ESYT2: variants seen among roughly 807,000 people sequenced by gnomAD.
ESYT2 encodes the protein extended synaptotagmin 2.
ESYT2 carries 54 observed loss-of-function variants against 107.2 expected under a neutral mutation model. That is an observed-to-expected ratio of 0.50 (90% CI 0.40 to 0.63). The LOEUF (loss-of-function observed/expected upper bound fraction) is 0.63. ESYT2 is among the 30% of genes least tolerant of loss of function. The pLI is 0.00. For synonymous variants in ESYT2, 491 were observed against 434.1 expected, an observed-to-expected ratio of 1.13 and a Z score of -1.63; for missense variants, 1,020 against 1,094.5, an observed-to-expected ratio of 0.93 and a Z score of 0.96.
intron 3 of ESYT2, 30 bp downstream of exon 3, chr7:158,797,912 G>C (rs1455278139): frequency 6.2e-7 from 1 of 1,604,566 alleles, no homozygotes; most frequent in Non-Finnish European, 8.5e-7. Context: ...CTGACTGTGT[G>C]CACGTGAGGA....
At chr7:158,735,256 G>A (rs1268101828) in intron 21 of ESYT2, among the ~76,000 whole-genome samples, 1 of 152,238 alleles carries the variant, frequency 6.6e-6, no homozygotes, top group African/African-American at 2.4e-5. Context: ...CAGTTGAGGA[G>A]ATGGAATTGT....
intron 6 of ESYT2, among the ~76,000 whole-genome samples, chr7:158,779,975 T>C (rs76156306): frequency 0.018 from 2,752 of 152,310 alleles, 43 homozygotes; most frequent in Non-Finnish European, 0.029. Flanking sequence ...CTAAGGGCAA[T>C]AGGGGCCCCA....
At chr7:158,825,405 G>C (rs1215865930) in intron 1 of ESYT2, among the ~76,000 whole-genome samples, 3 of 152,182 alleles carry the variant, frequency 2.0e-5, no homozygotes. Context: ...ACAACAAAAA[G>C]CCCTGTCCTC....
Position 158,782,087 on chromosome 7 carries a change from ATG to A in ESYT2, c.747+5915_747+5916del, listed in dbSNP as rs754628505. 3.0e-4 allele frequency among the ~76,000 whole-genome samples: 45 copies of A among 150,878 alleles called. 1 individual carries two copies. Among genetic ancestry groups the A allele is most frequent in the African/African-American group, 5.6e-4 (23 of 41,054 alleles). On this transcript the variant is annotated intron_variant, in intron 6 of 22. Transcript: ENST00000275418. The stretch of plus-strand genomic sequence containing the variant: ...TGAAGTGTGGTGTATGTAAGAACAA[ATG>A]TGAGTGAACGACAACAAAGTGTGAG...
chr7:158,756,939 A>G (rs892386928), intron 13 of ESYT2, among the ~76,000 whole-genome samples: 1 of 148,684 alleles, frequency 6.7e-6, no homozygotes, highest in African/African-American at 2.5e-5. Context: ...AAAAAAAAAA[A>G]GGAGGGGATA....
chr7:158,769,116 A>C (rs1314805131), intron 7 of ESYT2, among the ~76,000 whole-genome samples: 1 of 152,228 alleles, frequency 6.6e-6, no homozygotes, highest in African/African-American at 2.4e-5. Context: ...AGCGTTCAAC[A>C]AATAATGCCC....
intron 13 of ESYT2, among the ~76,000 whole-genome samples, chr7:158,756,833 T>C (rs955517733): frequency 1.4e-5 from 2 of 145,286 alleles, no homozygotes; most frequent in African/African-American, 2.6e-5. Flanking sequence ...CACTTGAACA[T>C]GGGAGGTGGA....
At chr7:158,815,418 A>G (rs962083017) in intron 1 of ESYT2, among the ~76,000 whole-genome samples, 4 of 151,648 alleles carry the variant, frequency 2.6e-5, no homozygotes, top group Non-Finnish European at 5.9e-5. Context: ...TTCCTGGCTC[A>G]CTCATCTATC....
At chr7:158,768,842 AAC>A (rs1320360289) in intron 7 of ESYT2, among the ~76,000 whole-genome samples, 10 of 152,372 alleles carry the variant, frequency 6.6e-5, no homozygotes, top group Admixed American at 6.5e-4. Flanking sequence ...TAGCCTGGGC[AAC>A]ACAGAGCGAG....
chr7:158,747,522 A>G (rs1837445955), intron 16 of ESYT2, among the ~76,000 whole-genome samples: 1 of 152,192 alleles, frequency 6.6e-6, no homozygotes, highest in Non-Finnish European at 1.5e-5. Context: ...AATGACGCTG[A>G]AACCACCCGG....
At chr7:158,749,188 C>A (rs1483603742) in intron 15 of ESYT2, among the ~76,000 whole-genome samples, 1 of 152,102 alleles carries the variant, frequency 6.6e-6, no homozygotes, top group Non-Finnish European at 1.5e-5. Context: ...CTCACTGCAA[C>A]CTCTGCCTCC....
At chr7:158,810,176 A>T (rs1027707888) in intron 1 of ESYT2, among the ~76,000 whole-genome samples, 1 of 152,234 alleles carries the variant, frequency 6.6e-6, no homozygotes, top group Non-Finnish European at 1.5e-5. Flanking sequence ...ACCCACACGT[A>T]TATATGCAAC....
At chr7:158,798,813 C>T (rs1321647900) in intron 2 of ESYT2, among the ~76,000 whole-genome samples, 1 of 152,118 alleles carries the variant, frequency 6.6e-6, no homozygotes, top group Non-Finnish European at 1.5e-5. Context: ...CAAATATGCA[C>T]ATGCCTATAC....
chr7:158,753,599 ATTTTTTT>A (rs775077906), intron 13 of ESYT2, among the ~76,000 whole-genome samples: 36 of 132,816 alleles, frequency 2.7e-4, no homozygotes, highest in African/African-American at 4.0e-4. Flanking sequence ...TAAATGTTTA[ATTTTTTT>A]TTTTTTTTTT....
chr7:158,767,503 T>G, intron 8 of ESYT2, 151 bp downstream of exon 8: 1 of 1,000,650 alleles, frequency 1.0e-6, no homozygotes. Context: ...TTAAGGAAAG[T>G]GACGGACAAC....
chr7:158,825,853 A>G (rs1348182640), intron 1 of ESYT2, among the ~76,000 whole-genome samples: 1 of 152,110 alleles, frequency 6.6e-6, no homozygotes, highest in African/African-American at 2.4e-5. Context: ...AAGTTCAGAA[A>G]CCCCAAGCAC....
chr7:158,753,461 TCATTA>T (rs1006930875), intron 13 of ESYT2, among the ~76,000 whole-genome samples: 21 of 152,326 alleles, frequency 1.4e-4, no homozygotes, highest in East Asian at 9.6e-4. Flanking sequence ...TTTTTCCAAT[TCATTA>T]GTTTCTTGCC....
chr7:158,735,134 A>G (rs866542603), intron 21 of ESYT2, among the ~76,000 whole-genome samples: 1 of 152,218 alleles, frequency 6.6e-6, no homozygotes, highest in Non-Finnish European at 1.5e-5. Context: ...ACCTACTCTC[A>G]TTCCTAAATA....
intron 4 of ESYT2, among the ~76,000 whole-genome samples, chr7:158,792,646 G>T (rs1472872882): frequency 1.3e-5 from 2 of 151,220 alleles, no homozygotes; most frequent in Non-Finnish European, 2.9e-5. Flanking sequence ...TTGCCTAACT[G>T]CTCCAACTAG....
Sources: allele counts gnomAD v4.1 joint callset (sites outside exome capture counted in the v4.1 genomes callset), GRCh38; gene constraint gnomAD v4.1.1; transcripts MANE v1.5; gene names NCBI Gene and HGNC (gene_info 2026-07-23, HGNC 2026-07-21).